The following HERC4 variants were observed in gnomAD, a reference collection of about 807,000 sequenced individuals.
HERC4 encodes the protein probable E3 ubiquitin-protein ligase HERC4.
HERC4 carries 28 observed loss-of-function variants against 124.3 expected under a neutral mutation model. The observed-to-expected ratio is 0.23, with a 90% confidence interval of 0.17 to 0.31. The LOEUF is 0.31. Ranked by LOEUF, HERC4 falls within the 10% of genes least tolerant of loss-of-function variation. The probability of loss-of-function intolerance (pLI) is 1.00; values close to 1 mark genes in which losing one functional copy is unlikely to be tolerated. For synonymous variants in HERC4, 407 were observed against 421.5 expected, an observed-to-expected ratio of 0.97 and a Z score of 0.42; for missense variants, 713 against 1,229.3, an observed-to-expected ratio of 0.58 and a Z score of 6.28.
chr10:68,048,136 C>G (rs943946845), intron 3 of HERC4, among the ~76,000 whole-genome samples: 4 of 151,910 alleles, frequency 2.6e-5, no homozygotes, highest in African/African-American at 4.8e-5. Flanking sequence ...CCAGGCTGGT[C>G]ATGAACTCCT....
intron 4 of HERC4, among the ~76,000 whole-genome samples, chr10:68,040,845 C>T (rs1368374002): frequency 6.0e-5 from 9 of 148,930 alleles, no homozygotes; most frequent in East Asian, 3.9e-4. Context: ...GCCAAGATTG[C>T]GCCACTGCAC....
At chr10:68,031,503 T>TA (rs2133342207) in intron 7 of HERC4, among the ~76,000 whole-genome samples, 1 of 152,104 alleles carries the variant, frequency 6.6e-6, no homozygotes, top group African/African-American at 2.4e-5. Flanking sequence ...TTGCAGTTTT[T>TA]ACCATTAATG....
intron 3 of HERC4, among the ~76,000 whole-genome samples, chr10:68,047,245 G>A (rs1589415422): frequency 1.3e-5 from 2 of 149,706 alleles, no homozygotes; most frequent in Admixed American, 6.7e-5. Flanking sequence ...GTGGGTAAGA[G>A]ATGTGAACCA....
At chr10:67,983,633 A>C (rs1410529055) in intron 15 of HERC4, among the ~76,000 whole-genome samples, 1 of 151,766 alleles carries the variant, frequency 6.6e-6, no homozygotes, top group Non-Finnish European at 1.5e-5. Context: ...CAAAATAAAA[A>C]AAAATTAGCC....
intron 9 of HERC4, 45 bp downstream of exon 9, chr10:68,013,981 A>C (rs2038118964): frequency 6.9e-7 from 1 of 1,443,486 alleles, no homozygotes; most frequent in Non-Finnish European, 9.3e-7. Context: ...CATTTTAACA[A>C]GAACTTCAAT....
intron 15 of HERC4, among the ~76,000 whole-genome samples, chr10:67,968,859 TCTCATTAA>T (rs1329408607): frequency 6.6e-6 from 1 of 152,114 alleles, no homozygotes; most frequent in Non-Finnish European, 1.5e-5. Flanking sequence ...TTAACACTGC[TCTCATTAA>T]CTGATAGAAA....
intron 19 of HERC4, among the ~76,000 whole-genome samples, chr10:67,943,808 CCAA>C (rs1428209199): frequency 6.6e-6 from 1 of 152,220 alleles, no homozygotes; most frequent in Non-Finnish European, 1.5e-5. Flanking sequence ...GATAAAAAAA[CCAA>C]CATATGCTGA....
chr10:67,922,431 T>C lies in HERC4; in HGVS notation c.*500A>G, dbSNP rs185569758. On this transcript the variant is annotated 3_prime_UTR_variant, in exon 25 of 25. Transcript: ENST00000373700. ...TCTCAGAGTAAGATTTAAATCATAATTTTTAACCTTTAAAAGTCTGTTCAA... is the reference window on the plus strand; with the variant it reads ...TCTCAGAGTAAGATTTAAATCATAACTTTTAACCTTTAAAAGTCTGTTCAA... The C allele has an allele frequency of 6.6e-6, 1 of 152,196 alleles. No homozygotes were observed. Among genetic ancestry groups the C allele is most frequent in the African/African-American group, 2.4e-5 (1 of 41,454 alleles). 9.4% of individuals were successfully genotyped at this position (152,196 alleles called of 1,614,324 possible).
intron 15 of HERC4, among the ~76,000 whole-genome samples, chr10:67,975,564 G>A (rs2035536097): frequency 6.6e-6 from 1 of 151,966 alleles, no homozygotes; most frequent in African/African-American, 2.4e-5. Flanking sequence ...TGGCCAGGCT[G>A]GTCTCAAATT....
At chr10:67,959,024 C>CA (rs1175255498) in intron 16 of HERC4, 91 of 1,093,416 alleles carry the variant, frequency 8.3e-5, no homozygotes, top group African/African-American at 6.6e-4. Flanking sequence ...TTAACCACAC[C>CA]AAAAAAACGA....
chr10:68,043,898 T>C (rs1375341853), intron 4 of HERC4, among the ~76,000 whole-genome samples: 1 of 152,172 alleles, frequency 6.6e-6, no homozygotes, highest in Non-Finnish European at 1.5e-5. Flanking sequence ...TATTTTTTAA[T>C]TGTGAAATAA....
chr10:67,946,463 A>C (rs898304963), intron 19 of HERC4, among the ~76,000 whole-genome samples: 1 of 151,800 alleles, frequency 6.6e-6, no homozygotes, highest in Non-Finnish European at 1.5e-5. Flanking sequence ...ACTGAAAATA[A>C]AGAGATGGAA....
chr10:68,053,829 G>A (rs979374155), intron 3 of HERC4, among the ~76,000 whole-genome samples: 1 of 152,084 alleles, frequency 6.6e-6, no homozygotes, highest in Admixed American at 6.6e-5. Flanking sequence ...ATTTTATATA[G>A]AGAACAAAAA....
chr10:67,939,660 AAAT>A lies in HERC4; in HGVS notation c.2505-9_2505-7del. On this transcript the variant is annotated splice_region_variant and splice_polypyrimidine_tract_variant and intron_variant, in intron 20 of 24. Coordinates refer to ENST00000373700, the MANE Select transcript of HERC4 (RefSeq NM_015601.4). The stretch of plus-strand genomic sequence containing the variant: ...CCAGTAACTGTTGCATGCTTCTGCA[AAAT>A]AATATATATGTTTCTGAGAGGAAAA... 2 of 1,587,176 alleles carry A rather than the reference AAAT, an allele frequency of 1.3e-6. No homozygotes were observed. Among genetic ancestry groups the A allele is most frequent in the Non-Finnish European group, 1.7e-6 (2 of 1,161,928 alleles).
chr10:67,945,581 C>A (rs973672687), intron 19 of HERC4, among the ~76,000 whole-genome samples: 10 of 151,578 alleles, frequency 6.6e-5, no homozygotes, highest in African/African-American at 2.4e-4. Flanking sequence ...GGTGTATAAA[C>A]TACCCATATC....
intron 22 of HERC4, among the ~76,000 whole-genome samples, chr10:67,935,337 G>C (rs1419064209): frequency 6.6e-6 from 1 of 151,962 alleles, no homozygotes; most frequent in Non-Finnish European, 1.5e-5. Flanking sequence ...AGTAGAGATG[G>C]GGTTTCACTG....
At chr10:68,021,768 A>G (rs1001810823) in intron 8 of HERC4, among the ~76,000 whole-genome samples, 4 of 152,176 alleles carry the variant, frequency 2.6e-5, no homozygotes, top group African/African-American at 9.7e-5. Flanking sequence ...AGATCACGCC[A>G]TTGCACTCCA....
intron 16 of HERC4, 23 bp downstream of exon 16, chr10:67,966,660 C>T: frequency 6.3e-7 from 1 of 1,595,072 alleles, no homozygotes; most frequent in Non-Finnish European, 8.5e-7. Context: ...AAAATGAAAT[C>T]ACAAATTGCA....
In HERC4 at chr10:67,990,961, A is replaced by G. The variant is rs766534132; in HGVS notation, c.1386T>C (p.Ala462=). 2 of 1,610,032 alleles carry G rather than the reference A, an allele frequency of 1.2e-6. No individual in the cohort carries two copies. The highest frequency in any genetic ancestry group is 8.5e-7 in the Non-Finnish European group (1 of 1,177,406). The stretch of plus-strand genomic sequence containing the variant: ...TAAGTTTGTGGAATAAAAGCCTAGC[A>G]GCATTCATATCAACCCCTGAAAATC... ...GTRFSGVDMN[A]ARLLFHKLIQ... is the part of the protein sequence containing the mutation. The change falls in exon 13 of 25, where the codon GCT becomes GCC. Residue 462 remains alanine, a synonymous_variant. Coordinates refer to ENST00000373700, the MANE Select transcript of HERC4 (RefSeq NM_015601.4).
Sources: allele counts gnomAD v4.1 joint callset (sites outside exome capture counted in the v4.1 genomes callset), GRCh38; gene constraint gnomAD v4.1.1; transcripts MANE v1.5; gene names NCBI Gene and HGNC (gene_info 2026-07-23, HGNC 2026-07-21).